Variants in FGGY observed in about 807,000 individuals in gnomAD.
FGGY encodes FGGY carbohydrate kinase domain-containing protein.
FGGY carries 72 observed loss-of-function variants against 71.3 expected under a neutral mutation model. The observed-to-expected ratio is 1.01, with a 90% CI of 0.84 to 1.23. The LOEUF is 1.23. Among genes scored for constraint, FGGY ranks in the 50% most tolerant of loss-of-function variants. The probability of loss-of-function intolerance (pLI) is 0.00; values close to 1 mark genes in which losing one functional copy is unlikely to be tolerated. For missense variants in FGGY, 668 were observed against 682.3 expected (o/e 0.98, Z 0.23); for synonymous variants, 251 against 250.3 (o/e 1.00, Z -0.02).
chr1:59,545,829 A>G (rs1238186623), intron 7 of FGGY, among the ~76,000 whole-genome samples: 6 of 152,252 alleles, frequency 3.9e-5, no homozygotes, highest in Admixed American at 2.0e-4. Context: ...TGCAGTATGC[A>G]TGGTGCTACA....
intron 8 of FGGY, among the ~76,000 whole-genome samples, chr1:59,600,836 C>T (rs957343784): frequency 1.3e-5 from 2 of 152,262 alleles, no homozygotes; most frequent in East Asian, 3.9e-4. Flanking sequence ...TGTTACTAAA[C>T]CATGTTTCTG....
chr1:59,639,156 G>A (rs1048218149), intron 11 of FGGY, among the ~76,000 whole-genome samples: 3 of 152,212 alleles, frequency 2.0e-5, no homozygotes, highest in Admixed American at 6.5e-5. Flanking sequence ...GTACATTAAG[G>A]CAGAGTTCAG....
intron 6 of FGGY, among the ~76,000 whole-genome samples, chr1:59,482,531 G>A (rs2093513594): frequency 6.6e-6 from 1 of 151,440 alleles, no homozygotes; most frequent in South Asian, 2.1e-4. Context: ...TTCCCACAGA[G>A]AATTACAGAT....
intron 5 of FGGY, 50 bp downstream of exon 5, chr1:59,378,887 G>A: frequency 6.8e-7 from 1 of 1,462,810 alleles, no homozygotes; most frequent in Non-Finnish European, 9.6e-7. Context: ...ATTCTTGGAT[G>A]TCTGTCTATA....
At chr1:59,681,168 G>A (rs2097494315) in intron 14 of FGGY, among the ~76,000 whole-genome samples, 1 of 152,098 alleles carries the variant, frequency 6.6e-6, no homozygotes, top group Non-Finnish European at 1.5e-5. Flanking sequence ...GATATAAAAA[G>A]CACTTTAATT....
At chr1:59,377,596 G>T (rs1418425735) in intron 4 of FGGY, among the ~76,000 whole-genome samples, 1 of 152,144 alleles carries the variant, frequency 6.6e-6, no homozygotes, top group East Asian at 1.9e-4. Context: ...TTTGAGTGAA[G>T]ACACAGCCAA....
chr1:59,756,822 G>T (rs776699208), intron 14 of FGGY, among the ~76,000 whole-genome samples: 1 of 151,976 alleles, frequency 6.6e-6, no homozygotes, highest in Non-Finnish European at 1.5e-5. Flanking sequence ...CAGTAAGGTG[G>T]CAAAGATGGT....
chr1:59,562,062 T>C (rs2095800817), intron 8 of FGGY, among the ~76,000 whole-genome samples: 1 of 152,178 alleles, frequency 6.6e-6, no homozygotes, highest in South Asian at 2.1e-4. Flanking sequence ...GAATGTAAAA[T>C]GATGCAACCA....
intron 7 of FGGY, among the ~76,000 whole-genome samples, chr1:59,525,912 T>G (rs1241756115): frequency 6.6e-6 from 1 of 152,224 alleles, no homozygotes; most frequent in Non-Finnish European, 1.5e-5. Context: ...GATCTGGTAT[T>G]TATACATGTA....
chr1:59,383,021 A>G (rs561748842), intron 5 of FGGY, among the ~76,000 whole-genome samples: 1 of 152,052 alleles, frequency 6.6e-6, no homozygotes, highest in South Asian at 2.1e-4. Flanking sequence ...ACCGGCTTTG[A>G]TTTTGCCACA....
intron 7 of FGGY, among the ~76,000 whole-genome samples, chr1:59,524,744 C>G (rs759227373): frequency 6.6e-6 from 1 of 152,186 alleles, no homozygotes; most frequent in Non-Finnish European, 1.5e-5. Context: ...AAGAGCTACC[C>G]ACTTTGGGTC....
Position 59,329,517 on chromosome 1 carries a change from A to G in FGGY, c.201+7767A>G, listed in dbSNP as rs150693826. On this transcript the variant is annotated intron_variant, in intron 2 of 15. Transcript: ENST00000303721. The stretch of plus-strand genomic sequence containing the variant: ...TATGCCTGTATTTGGGTAGAACTCA[A>G]TCCTTAACATGGCCTTCAGGGCCCT... 3.0e-3 allele frequency among the ~76,000 whole-genome samples: 452 copies of G among 152,306 alleles called. 2 individuals are homozygous for G. The highest frequency in any genetic ancestry group is 0.01 in the African/African-American group (432 of 41,556).
At chr1:59,368,005 T>C (rs1326243130) in intron 4 of FGGY, among the ~76,000 whole-genome samples, 2 of 152,360 alleles carry the variant, frequency 1.3e-5, no homozygotes, top group East Asian at 3.9e-4. Context: ...TTGTGCCAAG[T>C]CATATAACCC....
At position 59,691,523 on chromosome 1, in the gene FGGY, G is replaced by A. The variant is rs148231748; in HGVS notation, c.1512+17390G>A. ...AGCCACTCTTGGAGATTGATTTTCC[G>A]TCTGGGGATCTGACCTCTTGCTTCA... On this transcript the variant is annotated intron_variant, in intron 14 of 15. Transcript: ENST00000303721. 9.0e-4 allele frequency among the ~76,000 whole-genome samples: 137 copies of A among 152,254 alleles called. 1 individual carries two copies. Among genetic ancestry groups the A allele is most frequent in the African/African-American group, 1.7e-3 (69 of 41,542 alleles).
chr1:59,387,236 T>C (rs1045432455), intron 5 of FGGY, among the ~76,000 whole-genome samples: 2 of 152,130 alleles, frequency 1.3e-5, no homozygotes, highest in Non-Finnish European at 1.5e-5. Flanking sequence ...CTGATTTTTC[T>C]TTTGTTAAAA....
intron 2 of FGGY, among the ~76,000 whole-genome samples, chr1:59,332,409 G>C (rs2048667974): frequency 6.6e-6 from 1 of 152,148 alleles, no homozygotes; most frequent in South Asian, 2.1e-4. Flanking sequence ...TAGGTCACCA[G>C]GTCAAGCCCC....
intron 14 of FGGY, among the ~76,000 whole-genome samples, chr1:59,744,977 T>C (rs1004772): frequency 0.88 from 133,423 of 152,188 alleles, 58,763 homozygotes; most frequent in African/African-American, 0.97. Context: ...AAAAGGGCAC[T>C]ACAGTGATTT....
chr1:59,578,442 C>T (rs751584105), intron 8 of FGGY, among the ~76,000 whole-genome samples: 9 of 151,974 alleles, frequency 5.9e-5, no homozygotes, highest in Non-Finnish European at 1.0e-4. Flanking sequence ...CCCAGCTGTC[C>T]AGCAGGAAAA....
At chr1:59,752,841 T>C (rs1356979765) in intron 14 of FGGY, among the ~76,000 whole-genome samples, 1 of 152,222 alleles carries the variant, frequency 6.6e-6, no homozygotes, top group Non-Finnish European at 1.5e-5. Flanking sequence ...CAGTCTTTCA[T>C]GGCCGTGGTA....
Sources: gnomAD v4.1 joint callset for allele counts (sites outside exome capture counted in the v4.1 genomes callset) on GRCh38, gnomAD v4.1.1 for gene constraint, MANE v1.5 for transcripts, NCBI Gene and HGNC (gene_info 2026-07-23, HGNC 2026-07-21) for gene names.